Variants in ZNF451 observed in about 807,000 individuals in gnomAD.
The protein encoded by ZNF451 is E3 SUMO-protein ligase ZNF451.
In ZNF451, 80 loss-of-function variants were observed where a neutral mutation model predicts 107.1. The observed-to-expected ratio is 0.75, with a 90% CI of 0.62 to 0.90. ZNF451 has a LOEUF of 0.90. Among genes scored for constraint, ZNF451 ranks in the 40% least tolerant of loss-of-function variants. ZNF451 has a pLI of 0.00. For synonymous variants in ZNF451, 362 were observed against 406.5 expected (o/e 0.89, Z 1.32); for missense variants, 1,107 against 1,236.2 (o/e 0.90, Z 1.57).
At chr6:57,102,373 G>A (rs1017922004) in intron 3 of ZNF451, 85 of 1,100,492 alleles carry the variant, frequency 7.7e-5, no homozygotes, top group Non-Finnish European at 9.0e-5. Flanking sequence ...TGTGGAGGAG[G>A]ACCACTCAGG....
chr6:57,144,254 T>A (rs1831940882), intron 9 of ZNF451, among the ~76,000 whole-genome samples: 1 of 149,440 alleles, frequency 6.7e-6, no homozygotes, highest in Admixed American at 6.7e-5. Flanking sequence ...TTTTTTTTTT[T>A]TTTAAAGATA....
At chr6:57,115,804 CT>C (rs1229169896) in intron 3 of ZNF451, among the ~76,000 whole-genome samples, 1 of 152,198 alleles carries the variant, frequency 6.6e-6, no homozygotes, top group Non-Finnish European at 1.5e-5. Context: ...CACTGATTGG[CT>C]AGCATTGATA....
intron 3 of ZNF451, among the ~76,000 whole-genome samples, chr6:57,123,625 C>A (rs2127958783): frequency 6.6e-6 from 1 of 151,930 alleles, no homozygotes; most frequent in South Asian, 2.1e-4. Context: ...ATGCAGTATA[C>A]CCTTGTAACA....
rs150829584 is a variant in ZNF451, at chr6:57,147,431, T to G, written c.1346T>G (p.Met449Arg). 6 of 1,613,778 alleles carry G rather than the reference T, an allele frequency of 3.7e-6. No individual in the cohort carries two copies. Among genetic ancestry groups the G allele is most frequent in the Non-Finnish European group, 5.1e-6 (6 of 1,179,924 alleles). ...TGCATTGCCATTCCAAAAAAGAAGA[T>G]GAATTTAAAAGATAAAAGCCATGAA... ...LECIAIPKKK[M>R]NLKDKSHEGV... Residue 449 changes from methionine to arginine, a missense_variant, in exon 10 of 15, where the codon ATG (methionine) becomes AGG (arginine). Around this residue, in one of 5 missense-constraint regions of ZNF451, gnomAD observed 608 missense variants for 649.2 expected, o/e 0.94. Transcript: ENST00000370706.
intron 3 of ZNF451, chr6:57,109,487 A>T (rs553787474): frequency 1.0e-6 from 1 of 985,388 alleles, no homozygotes; most frequent in African/African-American, 1.7e-5. Flanking sequence ...TTGACAACAC[A>T]CTAAAGCCTG....
chr6:57,126,980 T>C (rs1322620412), intron 4 of ZNF451, among the ~76,000 whole-genome samples: 1 of 152,198 alleles, frequency 6.6e-6, no homozygotes, highest in Non-Finnish European at 1.5e-5. Flanking sequence ...TTAATCTCAA[T>C]TATATTACTT....
intron 9 of ZNF451, among the ~76,000 whole-genome samples, chr6:57,142,365 A>G (rs1831812625): frequency 6.6e-6 from 1 of 152,218 alleles, no homozygotes; most frequent in African/African-American, 2.4e-5. Flanking sequence ...AGGAGAGGAA[A>G]GGGTTAAAGT....
intron 8 of ZNF451, 116 bp from the exon 9 acceptor site, chr6:57,141,832 A>C: frequency 1.1e-6 from 1 of 918,768 alleles, no homozygotes; most frequent in Non-Finnish European, 1.6e-6. Flanking sequence ...TTTATTGCCA[A>C]AATAACTGTC....
chr6:57,152,129 A>C (rs1832379303), intron 11 of ZNF451, 92 bp from the exon 12 acceptor site: 5 of 1,354,048 alleles, frequency 3.7e-6, no homozygotes, highest in Non-Finnish European at 4.9e-6. Flanking sequence ...CCTCTAGAAA[A>C]ATTTTTTTCT....
intron 3 of ZNF451, chr6:57,103,592 A>G (rs748366156): frequency 1.9e-5 from 19 of 985,276 alleles, no homozygotes; most frequent in Admixed American, 6.2e-5. Flanking sequence ...GAATATGTCA[A>G]ATTTGAGGGG....
At chr6:57,139,658 A>T (rs1831653936) in intron 7 of ZNF451, among the ~76,000 whole-genome samples, 1 of 152,226 alleles carries the variant, frequency 6.6e-6, no homozygotes, top group Non-Finnish European at 1.5e-5. Flanking sequence ...ACTTTTTAAA[A>T]TTTCCTATTT....
chr6:57,138,899 C>T (rs1831609726), intron 7 of ZNF451, among the ~76,000 whole-genome samples: 1 of 150,106 alleles, frequency 6.7e-6, no homozygotes, highest in African/African-American at 2.4e-5. Flanking sequence ...GCCACTGCTC[C>T]TGGCCAAGTA....
chr6:57,106,267 G>T (rs1829849230), intron 3 of ZNF451: 2 of 923,472 alleles, frequency 2.2e-6, no homozygotes, highest in South Asian at 1.0e-4. Context: ...TTATGGATTA[G>T]ATCTTTGTAG....
chr6:57,142,667 C>T (rs968281545), intron 9 of ZNF451, among the ~76,000 whole-genome samples: 2 of 152,126 alleles, frequency 1.3e-5, no homozygotes, highest in Non-Finnish European at 2.9e-5. Flanking sequence ...ATACTTTGCA[C>T]AGGTCTTTTC....
chr6:57,125,756 G>A (rs181499617), intron 4 of ZNF451, among the ~76,000 whole-genome samples: 3 of 152,054 alleles, frequency 2.0e-5, no homozygotes, highest in Middle Eastern at 3.4e-3. Flanking sequence ...AGCTAGTTTG[G>A]GGGCTTTTAC....
At chr6:57,153,470 G>A (rs946174312) in intron 12 of ZNF451, among the ~76,000 whole-genome samples, 1 of 150,652 alleles carries the variant, frequency 6.6e-6, no homozygotes, top group African/African-American at 2.4e-5. Context: ...GTGCAGTGGC[G>A]CGATCTTGGC....
chr6:57,101,039 A>G, intron 3 of ZNF451: 1 of 1,550,462 alleles, frequency 6.4e-7, no homozygotes, highest in Non-Finnish European at 8.7e-7. Context: ...TTTAGATTTC[A>G]TCATTCTAGG....
At chr6:57,125,929 CT>C (rs920471950) in intron 4 of ZNF451, among the ~76,000 whole-genome samples, 1 of 152,046 alleles carries the variant, frequency 6.6e-6, no homozygotes, top group African/African-American at 2.4e-5. Context: ...CCCCACCCCC[CT>C]AGAACTATAA....
At chr6:57,155,413 G>C (rs1763369080) in intron 13 of ZNF451, among the ~76,000 whole-genome samples, 1 of 152,196 alleles carries the variant, frequency 6.6e-6, no homozygotes, top group African/African-American at 2.4e-5. Flanking sequence ...TTGAACCCAG[G>C]AGGCGGAGGT....
Sources: allele counts gnomAD v4.1 joint callset (sites outside exome capture counted in the v4.1 genomes callset), GRCh38; gene constraint gnomAD v4.1.1; regional missense constraint gnomAD v4.1.1; transcripts MANE v1.5; gene names NCBI Gene and HGNC (gene_info 2026-07-23, HGNC 2026-07-21).